NPAT: variants seen among roughly 807,000 people sequenced by gnomAD.
NPAT encodes protein NPAT.
A neutral mutation model predicts 130.7 loss-of-function variants in NPAT; 52 were observed. That is an observed-to-expected ratio of 0.40 (90% CI 0.32 to 0.50). NPAT has a LOEUF of 0.50. NPAT is among the 20% of genes least tolerant of loss of function. The pLI, the probability that NPAT is intolerant of heterozygous loss-of-function variation, is 0.68. For missense variants in NPAT, 1,687 were observed against 1,662.6 expected, an observed-to-expected ratio of 1.01 and a Z score of -0.26; for synonymous variants, 580 against 584.8, an observed-to-expected ratio of 0.99 and a Z score of 0.12.
intron 13 of NPAT, chr11:108,171,685 C>G (rs1392849694): frequency 1.3e-5 from 2 of 153,176 alleles, no homozygotes; most frequent in African/African-American, 4.8e-5. Flanking sequence ...TGAGGTTTCA[C>G]CATGTTCTCG....
chr11:108,161,057 A>G lies in NPAT; in HGVS notation c.4029T>C (p.Ile1343=). ...GAGGAGTTGCTGAAGTAGTCCTAGA[A>G]ATGGCTGCCCTGGAGAGAATCATTA... ...HTLMILSRAA[I]SRTTSATPLK... is the part of the protein sequence containing the mutation. Residue 1343 remains isoleucine, a synonymous_variant, in exon 17 of 18, where the codon ATT becomes ATC. Transcript: ENST00000278612. 1 of 1,614,124 alleles carries G rather than the reference A, an allele frequency of 6.2e-7. No individual in the cohort carries two copies. The highest frequency in any genetic ancestry group is 8.5e-7 in the Non-Finnish European group (1 of 1,180,020).
Position 108,188,170 on chromosome 11 carries a change from G to T in NPAT, c.566C>A (p.Ala189Asp). 6.2e-7 allele frequency: 1 copy of T among 1,612,882 alleles called. No individual in the cohort carries two copies. The highest frequency in any genetic ancestry group is 8.5e-7 in the Non-Finnish European group (1 of 1,179,280). The part of the protein sequence containing the change: ...QSQDTVTTGE[A>D]LNVIPGAQEK... ...CTGAGCACCAGGAATGACATTTAAA[G>T]CTTCTCCAGCTGTATTTCAAGAAAA... Residue 189 changes from alanine (A) to aspartate (D), a missense_variant, in exon 7 of 18, where the codon GCT becomes GAT. Coordinates refer to ENST00000278612, the MANE Select transcript of NPAT (RefSeq NM_002519.3).
chr11:108,188,237 G>A, intron 6 of NPAT, 58 bp from the exon 7 acceptor site: 1 of 1,237,758 alleles, frequency 8.1e-7, no homozygotes, highest in South Asian at 1.2e-5. Context: ...TTCTAAACTT[G>A]TAATGGGATA....
chr11:108,171,026 C>G (rs938194915), intron 13 of NPAT: 1 of 150,670 alleles, frequency 6.6e-6, no homozygotes, highest in African/African-American at 2.4e-5. Flanking sequence ...CTCTGAGGAA[C>G]ATACAATAAA....
chr11:108,220,512 T>C (rs2078473412), intron 1 of NPAT, among the ~76,000 whole-genome samples: 1 of 152,102 alleles, frequency 6.6e-6, no homozygotes, highest in Non-Finnish European at 1.5e-5. Flanking sequence ...ATTGGCACAG[T>C]GTTTGGAACA....
intron 1 of NPAT, among the ~76,000 whole-genome samples, chr11:108,204,732 A>G (rs2078309775): frequency 6.6e-6 from 1 of 152,226 alleles, no homozygotes; most frequent in Non-Finnish European, 1.5e-5. Context: ...GTTAACACAA[A>G]TGAGCTGAAA....
At chr11:108,218,969 CTA>C (rs781572413) in intron 1 of NPAT, among the ~76,000 whole-genome samples, 2 of 152,130 alleles carry the variant, frequency 1.3e-5, no homozygotes, top group Admixed American at 6.5e-5. Context: ...TATTAAATAT[CTA>C]TGTTTTGGTG....
In NPAT at chr11:108,203,626, C is replaced by T. The variant is rs1005559908; in HGVS notation, c.38-6206G>A. On this transcript the variant is annotated intron_variant, in intron 1 of 17. Transcript: ENST00000278612. ...CATGAACATCCTCTTTATAGTCTCT[C>T]CTAGGCTTGCTCTTCTCACCCTTGT... Among the ~76,000 whole-genome samples the T allele has an allele frequency of 2.0e-5, 3 of 152,212 alleles. No individual in the cohort carries two copies. The South Asian group carries it at 6.2e-4, about 32-fold the overall frequency.
chr11:108,178,494 A>G (rs1482885635), intron 10 of NPAT, among the ~76,000 whole-genome samples: 2 of 152,216 alleles, frequency 1.3e-5, no homozygotes, highest in African/African-American at 4.8e-5. Context: ...TAAAACCTAT[A>G]GATTAAATGC....
At chr11:108,171,124 A>ATTTTTTTTTTTTTTTTTTTTTTTTT (rs63478164) in intron 13 of NPAT, 1 of 95,834 alleles carries the variant, frequency 1.0e-5, no homozygotes, top group African/African-American at 4.0e-5. Context: ...TGAAAAAAGG[A>ATTTTTTTTTTTTTTTTTTTTTTTTT]TTTTTTTTTT....
At chr11:108,170,169 G>T in intron 13 of NPAT, 126 bp from the exon 14 acceptor site, 40 of 581,822 alleles carry the variant, frequency 6.9e-5, no homozygotes, top group Non-Finnish European at 6.9e-5. Flanking sequence ...TCTTCCTTAC[G>T]ATCCACTCTC....
intron 2 of NPAT, among the ~76,000 whole-genome samples, chr11:108,196,221 C>T (rs960443136): frequency 5.9e-5 from 9 of 152,130 alleles, no homozygotes; most frequent in African/African-American, 1.9e-4. Context: ...TTGATAAGAC[C>T]ATCCTTTCTG....
chr11:108,185,143 G>C lies in NPAT; in HGVS notation c.906+89C>G, dbSNP rs561691560. 3.5e-5 allele frequency: 29 copies of C among 831,384 alleles called. No individual in the cohort carries two copies. In the African/African-American group the frequency reaches 4.7e-4, roughly 14 times the overall value. The allele number at this position is 831,384 out of a possible 1,614,324, so 51.5% of individuals were successfully genotyped here. ...ATGGCAAATCATAACATCTTATGTT[G>C]GCAATGGTTTTGAAATGAAACCAAA... On this transcript the variant is annotated intron_variant, in intron 10 of 17. Coordinates refer to ENST00000278612, the MANE Select transcript of NPAT (RefSeq NM_002519.3).
intron 2 of NPAT, among the ~76,000 whole-genome samples, chr11:108,195,393 T>C (rs1045242905): frequency 6.6e-6 from 1 of 152,240 alleles, no homozygotes; most frequent in Non-Finnish European, 1.5e-5. Context: ...ATTTTAGCCA[T>C]TCTAACAGGA....
intron 6 of NPAT, 142 bp from the exon 7 acceptor site, chr11:108,188,321 G>A: frequency 2.9e-6 from 2 of 685,010 alleles, no homozygotes; most frequent in South Asian, 1.7e-5. Flanking sequence ...TGTAAAGCAT[G>A]GTAAAAGACA....
At chr11:108,205,950 C>T (rs113924810) in intron 1 of NPAT, among the ~76,000 whole-genome samples, 2 of 152,160 alleles carry the variant, frequency 1.3e-5, no homozygotes, top group Non-Finnish European at 2.9e-5. Context: ...GAAGCTGAGA[C>T]ATGAGAATCT....
chr11:108,171,971 TGAAAA>T, intron 13 of NPAT: 1 of 546,878 alleles, frequency 1.8e-6, no homozygotes, highest in South Asian at 2.3e-5. Context: ...GAAGTATTTG[TGAAAA>T]GAAAAAAGAA....
chr11:108,176,489 A>G, intron 11 of NPAT, 115 bp from the exon 12 acceptor site: 1 of 779,308 alleles, frequency 1.3e-6, no homozygotes, highest in South Asian at 1.6e-5. Context: ...GGTTTTATGG[A>G]TGTTTAAAAA....
chr11:108,161,290 GTAAATCAC>G lies in NPAT; in HGVS notation c.3788_3795del (p.Ser1263ThrfsTer15), dbSNP rs2077845754. ...CCTGAGCCAGGTGTCCGGGGCACAG[GTAAATCAC>G]TACTATCAGCAAGCCTACTTACTGA... On this transcript the variant is annotated frameshift_variant, in exon 17 of 18. Coordinates refer to ENST00000278612, the MANE Select transcript of NPAT (RefSeq NM_002519.3). LOFTEE classifies it high-confidence loss of function. 6.2e-7 allele frequency: 1 copy of G among 1,614,008 alleles called. No individual in the cohort carries two copies. Among genetic ancestry groups the G allele is most frequent in the Non-Finnish European group, 8.5e-7 (1 of 1,180,042 alleles).
Sources: allele counts gnomAD v4.1 joint callset (sites outside exome capture counted in the v4.1 genomes callset), GRCh38; gene constraint gnomAD v4.1.1; transcripts MANE v1.5; gene names NCBI Gene and HGNC (gene_info 2026-07-23, HGNC 2026-07-21).